The following RNF180 variants were observed in gnomAD, a reference collection of about 807,000 sequenced individuals.
The protein encoded by RNF180 is ring finger protein 180.
A neutral mutation model predicts 59.2 loss-of-function variants in RNF180; 38 were observed. The ratio of observed to expected loss-of-function variants is 0.64; its 90% confidence interval spans 0.50 to 0.84. The LOEUF is 0.84. RNF180 is among the 40% of genes least tolerant of loss of function. RNF180 has a pLI of 0.00. For missense variants in RNF180, 705 were observed against 700.9 expected (o/e 1.01, Z -0.07); for synonymous variants, 262 against 240.3 (o/e 1.09, Z -0.84).
At chr5:64,331,097 A>C (rs562394648) in intron 7 of RNF180, among the ~76,000 whole-genome samples, 1 of 152,212 alleles carries the variant, frequency 6.6e-6, no homozygotes, top group Admixed American at 6.5e-5. Flanking sequence ...CAGTCCTGAC[A>C]TGCCAGCCCC....
rs1742248587 is a variant in RNF180 at position 64,285,706 on chromosome 5, CAGATTGGACTATCTCTGTCCTACAGTCA to C, written c.1228-39476_1228-39449del. 2.0e-5 allele frequency among the ~76,000 whole-genome samples: 3 copies of C among 152,178 alleles called. No homozygotes were observed. In the South Asian group the frequency reaches 6.2e-4, roughly 32 times the overall value. ...CACAGGCCAGGAGATAGAGGGTGCT[CAGATTGGACTATCTCTGTCCTACAGTCA>C]AGACCTACCCTGCTCTGTCTAGGTC... On this transcript the variant is annotated intron_variant, in intron 5 of 7. Transcript: ENST00000389100.
At chr5:64,312,765 G>A (rs1743837168) in intron 5 of RNF180, among the ~76,000 whole-genome samples, 1 of 152,118 alleles carries the variant, frequency 6.6e-6, no homozygotes, top group Non-Finnish European at 1.5e-5. Flanking sequence ...AGACGTGGTT[G>A]CATGTGTGTA....
chr5:64,169,141 G>A (rs1318619135), intron 1 of RNF180, among the ~76,000 whole-genome samples: 1 of 152,182 alleles, frequency 6.6e-6, no homozygotes, highest in Non-Finnish European at 1.5e-5. Context: ...GTTCCTTACA[G>A]TTTCAGACTG....
In RNF180 at chr5:64,217,747, C is replaced by T. The variant is rs371706237; in HGVS notation, c.1227+351C>T. 2.4e-4 allele frequency: 39 copies of T among 165,680 alleles called. 1 individual carries two copies. In the South Asian group the frequency reaches 7.5e-3, roughly 32 times the overall value. 10.3% of individuals were successfully genotyped at this position (165,680 alleles called of 1,614,324 possible). A position where few individuals can be genotyped will look rare whatever the true frequency, so the allele number is the denominator to read the frequency against. ...GGAGGATTGCTTGAGTTCAGGAGTT[C>T]AAGACCAGCCTGGGCAACATAGCAA... On this transcript the variant is annotated intron_variant, in intron 5 of 7. Coordinates refer to ENST00000389100, the MANE Select transcript of RNF180 (RefSeq NM_001113561.2).
chr5:64,340,376 A>C (rs1745310975), intron 7 of RNF180, among the ~76,000 whole-genome samples: 1 of 152,210 alleles, frequency 6.6e-6, no homozygotes, highest in South Asian at 2.1e-4. Context: ...ATTTTTCATG[A>C]AAGCCTGGAG....
Position 64,165,873 on chromosome 5 carries a change from C to G in RNF180, c.-81C>G, listed in dbSNP as rs1749598957. On this transcript the variant is annotated 5_prime_UTR_variant, in exon 1 of 8. Transcript: ENST00000389100. ...GGCATCGCCGCCGCCGGAGCCGCAG[C>G]GAGTCCTCAGAGCCTGGCTGCTGGC... The G allele has an allele frequency of 6.6e-6, 1 of 152,206 alleles. No individual in the cohort carries two copies. The allele number at this position is 152,206 out of a possible 1,614,324, so 9.4% of individuals were successfully genotyped here.
chr5:64,264,632 G>A (rs560293931), intron 5 of RNF180, among the ~76,000 whole-genome samples: 2 of 152,188 alleles, frequency 1.3e-5, no homozygotes, highest in African/African-American at 4.8e-5. Flanking sequence ...GTCTATCATT[G>A]ATGGGCATTT....
At chr5:64,265,464 C>T (rs554285664) in intron 5 of RNF180, among the ~76,000 whole-genome samples, 1 of 152,288 alleles carries the variant, frequency 6.6e-6, no homozygotes, top group East Asian at 1.9e-4. Context: ...GTTTTCCCAA[C>T]ACAATTTATT....
At chr5:64,248,958 C>T (rs11956220) in intron 5 of RNF180, among the ~76,000 whole-genome samples, 7 of 152,156 alleles carry the variant, frequency 4.6e-5, no homozygotes, top group East Asian at 3.9e-4. Context: ...TCTCCAGGGA[C>T]GAGGATGAAG....
chr5:64,212,645 A>G (rs1346285033), intron 3 of RNF180, among the ~76,000 whole-genome samples: 2 of 152,198 alleles, frequency 1.3e-5, no homozygotes, highest in African/African-American at 4.8e-5. Context: ...GCACAAGCAT[A>G]CAAAATAAAT....
At chr5:64,222,458 G>A (rs1254391937) in intron 5 of RNF180, among the ~76,000 whole-genome samples, 4 of 152,170 alleles carry the variant, frequency 2.6e-5, no homozygotes, top group Non-Finnish European at 4.4e-5. Flanking sequence ...GGTGAAATCT[G>A]GAGGAAACCA....
At chr5:64,252,000 A>G (rs1000016006) in intron 5 of RNF180, among the ~76,000 whole-genome samples, 2 of 152,202 alleles carry the variant, frequency 1.3e-5, no homozygotes, top group African/African-American at 2.4e-5. Context: ...TGTCCATGCT[A>G]TACAGAGTGT....
chr5:64,363,561 G>A (rs948082116), intron 7 of RNF180, among the ~76,000 whole-genome samples: 7 of 151,818 alleles, frequency 4.6e-5, no homozygotes, highest in African/African-American at 1.7e-4. Context: ...GATTTCCTTG[G>A]CTATTCAGGC....
intron 7 of RNF180, among the ~76,000 whole-genome samples, chr5:64,359,089 A>T (rs1402138461): frequency 6.6e-6 from 1 of 151,480 alleles, no homozygotes; most frequent in African/African-American, 2.4e-5. Flanking sequence ...ATGCCACAAT[A>T]AACATACGTG....
At position 64,325,371 on chromosome 5, in the gene RNF180, A is replaced by G. The variant is rs770304983; in HGVS notation, c.1413A>G (p.Pro471=). ...AKDNPSSTPC[P]LCRTIISRVF... is the part of the protein sequence containing the mutation. ...ACAATCCTTCAAGCACTCCATGCCC[A>G]TTGTGTCGGACAATTATTTCTAGAG... Residue 471 remains proline, a synonymous_variant, in exon 6 of 8, where the codon CCA becomes CCG. Coordinates refer to ENST00000389100, the MANE Select transcript of RNF180 (RefSeq NM_001113561.2). The G allele has an allele frequency of 1.3e-6, 2 of 1,551,632 alleles. No individual in the cohort carries two copies. Among genetic ancestry groups the G allele is most frequent in the South Asian group, 1.2e-5 (1 of 84,062 alleles).
At chr5:64,211,272 G>T (rs1423492498) in intron 2 of RNF180, among the ~76,000 whole-genome samples, 1 of 152,094 alleles carries the variant, frequency 6.6e-6, no homozygotes, top group East Asian at 1.9e-4. Flanking sequence ...TATAATCTAG[G>T]ATCTATGGGA....
intron 6 of RNF180, among the ~76,000 whole-genome samples, chr5:64,325,807 C>G (rs141040540): frequency 3.3e-4 from 51 of 152,290 alleles, no homozygotes; most frequent in African/African-American, 7.9e-4. Context: ...TATCTAAGTA[C>G]AATTACTACA....
chr5:64,195,923 C>T (rs1456595775), intron 1 of RNF180, among the ~76,000 whole-genome samples: 1 of 152,138 alleles, frequency 6.6e-6, no homozygotes, highest in Non-Finnish European at 1.5e-5. Flanking sequence ...ACATGTATAT[C>T]TTTGGGACGT....
intron 5 of RNF180, among the ~76,000 whole-genome samples, chr5:64,249,157 A>G (rs1373692192): frequency 2.0e-5 from 3 of 152,138 alleles, no homozygotes; most frequent in African/African-American, 7.2e-5. Context: ...AATGTAGGTG[A>G]CGGGTTAATT....
Sources: gnomAD v4.1 joint callset for allele counts (sites outside exome capture counted in the v4.1 genomes callset) on GRCh38, gnomAD v4.1.1 for gene constraint, MANE v1.5 for transcripts, NCBI Gene and HGNC (gene_info 2026-07-23, HGNC 2026-07-21) for gene names.